TIAM1: variants seen among roughly 807,000 people sequenced by gnomAD.
TIAM1 encodes the protein TIAM Rac1 associated GEF 1, also known as rho guanine nucleotide exchange factor TIAM1.
Under a neutral mutation model 163.5 loss-of-function variants are expected in TIAM1, and 65 were observed. That is an observed-to-expected ratio of 0.40 (90% CI 0.33 to 0.49). The LOEUF (loss-of-function observed/expected upper bound fraction) is 0.49. Among genes scored for constraint, TIAM1 ranks in the 20% least tolerant of loss-of-function variants. The pLI is 0.77. For synonymous variants in TIAM1, 833 were observed against 810.1 expected, an observed-to-expected ratio of 1.03 and a Z score of -0.48; for missense variants, 1,789 against 2,044.7, an observed-to-expected ratio of 0.87 and a Z score of 2.41.
chr21:31,233,410 T>TG (rs1422967344), intron 6 of TIAM1, among the ~76,000 whole-genome samples: 4 of 152,176 alleles, frequency 2.6e-5, no homozygotes, highest in African/African-American at 9.6e-5. Context: ...TTTTAATATC[T>TG]GTAAAGAGAA....
rs117070450 is a variant in TIAM1, at chr21:31,184,396, G to A, written c.2663-1751C>T. 3.9e-3 allele frequency among the ~76,000 whole-genome samples: 598 copies of A among 152,132 alleles called. 2 individuals carry two copies. The highest frequency in any genetic ancestry group is 6.1e-3 in the Non-Finnish European group (412 of 68,002). On this transcript the variant is annotated intron_variant, in intron 14 of 27. Coordinates refer to ENST00000541036, the MANE Select transcript of TIAM1 (RefSeq NM_001353694.2). Reference sequence around the variant, plus strand: ...GCTGGGATTACAGGTGTGAGCCACCGTGCCCGGCCAATTCACAGCTAAATT... The same window carrying A: ...GCTGGGATTACAGGTGTGAGCCACCATGCCCGGCCAATTCACAGCTAAATT...
At chr21:31,129,155 G>T (rs1357103709) in intron 25 of TIAM1, among the ~76,000 whole-genome samples, 1 of 152,206 alleles carries the variant, frequency 6.6e-6, no homozygotes, top group African/African-American at 2.4e-5. Context: ...ACTCTCCAGA[G>T]ATGCTCATTC....
chr21:31,515,958 A>G (rs1285142008), intron 1 of TIAM1, among the ~76,000 whole-genome samples: 1 of 151,204 alleles, frequency 6.6e-6, no homozygotes, highest in African/African-American at 2.4e-5. Flanking sequence ...AAATAGAAAA[A>G]TTAGCTGGGT....
intron 2 of TIAM1, among the ~76,000 whole-genome samples, chr21:31,305,756 C>G (rs908491893): frequency 6.6e-6 from 1 of 152,186 alleles, no homozygotes; most frequent in Non-Finnish European, 1.5e-5. Flanking sequence ...TCTAAACAGG[C>G]CTCATTTTTT....
intron 10 of TIAM1, among the ~76,000 whole-genome samples, chr21:31,210,623 A>G (rs1569031715): frequency 0.023 from 445 of 19,526 alleles, 1 homozygote; most frequent in African/African-American, 0.025. Context: ...GGGAGAAAGA[A>G]AGAAAGAAAG....
In TIAM1 at chr21:31,291,571, G is replaced by A. The variant is rs556078729; in HGVS notation, c.-188-14663C>T. On this transcript the variant is annotated intron_variant, in intron 2 of 27. Coordinates refer to ENST00000541036, the MANE Select transcript of TIAM1 (RefSeq NM_001353694.2). ...TGGAGTCTCGCTCTGTCGCCCAGGC[G>A]ACAACACAATGGCGTGATCTCGGCT... Among the ~76,000 whole-genome samples the A allele has an allele frequency of 1.1e-4, 16 of 152,234 alleles. No individual in the cohort carries two copies. In the South Asian group the frequency reaches 3.1e-3, roughly 30 times the overall value.
intron 2 of TIAM1, among the ~76,000 whole-genome samples, chr21:31,296,917 C>G (rs2074296254): frequency 6.6e-6 from 1 of 152,178 alleles, no homozygotes; most frequent in Non-Finnish European, 1.5e-5. Context: ...CCCGCCTTGG[C>G]CTCCCAAAAT....
chr21:31,226,214 G>C (rs565173412), intron 6 of TIAM1, among the ~76,000 whole-genome samples: 60 of 152,168 alleles, frequency 3.9e-4, no homozygotes, highest in African/African-American at 1.1e-3. Context: ...TGTACTTACT[G>C]AACTCACTTG....
intron 8 of TIAM1, among the ~76,000 whole-genome samples, chr21:31,223,148 T>C (rs56077132): frequency 0.12 from 18,528 of 152,084 alleles, 3,586 homozygotes; most frequent in African/African-American, 0.41. Context: ...AAATACTACA[T>C]GTGAACAGCG....
At chr21:31,298,767 T>TGTGAGA (rs777256501) in intron 2 of TIAM1, among the ~76,000 whole-genome samples, 8 of 125,858 alleles carry the variant, frequency 6.4e-5, no homozygotes, top group African/African-American at 2.9e-4. Flanking sequence ...TGTGTGTGTG[T>TGTGAGA]GAGAAACAGA....
intron 2 of TIAM1, among the ~76,000 whole-genome samples, chr21:31,396,944 G>C (rs146171407): frequency 6.6e-6 from 1 of 151,734 alleles, no homozygotes; most frequent in Non-Finnish European, 1.5e-5. Flanking sequence ...GTGAGACTCC[G>C]TCACACACAC....
rs200352360 is a variant in TIAM1, at chr21:31,409,112, C to CTTT, written c.-369+54868_-369+54870dup. 6.3e-3 allele frequency among the ~76,000 whole-genome samples: 885 copies of CTTT among 141,108 alleles called. 10 individuals are homozygous for CTTT. The highest frequency in any genetic ancestry group is 0.021 in the African/African-American group (808 of 38,030). 92.6% of individuals were successfully genotyped at this position (141,108 alleles called of 152,430 possible). ...GCAGCAACTCAGACCTTCTCCTTTT[C>CTTT]TTTTTTTTTTTTTTTTGAGACGAAG... On this transcript the variant is annotated intron_variant, in intron 2 of 28. Transcript: ENST00000286827.
intron 18 of TIAM1, 145 bp downstream of exon 18, chr21:31,152,921 A>G: frequency 7.9e-7 from 1 of 1,265,354 alleles, no homozygotes; most frequent in South Asian, 1.5e-5. Context: ...GAGCACACCA[A>G]AGCTTAGCAG....
intron 2 of TIAM1, among the ~76,000 whole-genome samples, chr21:31,323,392 G>GA (rs2075380814): frequency 6.6e-6 from 1 of 151,588 alleles, no homozygotes. Flanking sequence ...TGACGTTCCA[G>GA]AAAAAACAAA....
chr21:31,155,932 T>A (rs2007261), intron 16 of TIAM1, among the ~76,000 whole-genome samples: 2 of 152,240 alleles, frequency 1.3e-5, no homozygotes, highest in Non-Finnish European at 2.9e-5. Flanking sequence ...TCTTCTATCA[T>A]CCACCTACCT....
rs2083515614 is a variant in TIAM1 at position 31,154,353 on chromosome 21, T to C, written c.3065A>G (p.Gln1022Arg). The change falls in exon 17 of 28, where the codon CAG becomes CGG. Residue 1022 changes from glutamine (Q) to arginine (R), a missense_variant. Physicochemically the swap from Gln to Arg is conservative, Grantham distance 43. Transcript: ENST00000541036. Reference sequence around the variant, plus strand: ...CGCCAGCTGAGGCCCCGTGGAGTCCTGAGGAGATGGGCTCTGGTCAGAGGG... The same window carrying C: ...CGCCAGCTGAGGCCCCGTGGAGTCCCGAGGAGATGGGCTCTGGTCAGAGGG... Reference protein sequence around the residue: ...MNPSDQSPSPQDSTGPQLATM... With the variant: ...MNPSDQSPSPRDSTGPQLATM... The C allele has an allele frequency of 6.2e-7, 1 of 1,614,148 alleles. No homozygotes were observed. The highest frequency in any genetic ancestry group is 8.5e-7 in the Non-Finnish European group (1 of 1,180,020).
At chr21:31,156,681 T>C (rs918948047) in intron 16 of TIAM1, among the ~76,000 whole-genome samples, 3 of 152,186 alleles carry the variant, frequency 2.0e-5, no homozygotes, top group African/African-American at 7.2e-5. Context: ...GATCCAGTGA[T>C]AACTGTAATA....
intron 4 of TIAM1, among the ~76,000 whole-genome samples, chr21:31,262,801 G>T (rs951999075): frequency 6.6e-6 from 1 of 152,098 alleles, no homozygotes; most frequent in Middle Eastern, 3.2e-3. Context: ...TGTCTGCCAG[G>T]AACTCTTTTC....
chr21:31,184,966 T>G (rs189627826), intron 14 of TIAM1, among the ~76,000 whole-genome samples: 1 of 152,232 alleles, frequency 6.6e-6, no homozygotes, highest in African/African-American at 2.4e-5. Context: ...ACAGGTAGCT[T>G]TGCAAGCCAT....
Sources: gnomAD v4.1 joint callset for allele counts (sites outside exome capture counted in the v4.1 genomes callset) on GRCh38, gnomAD v4.1.1 for gene constraint, MANE v1.5 for transcripts, NCBI Gene and HGNC (gene_info 2026-07-23, HGNC 2026-07-21) for gene names.